The following BMPER variants were observed in gnomAD, a reference collection of about 807,000 sequenced individuals.
BMPER encodes BMP-binding endothelial regulator protein.
BMPER carries 45 observed loss-of-function variants against 87.3 expected under a neutral mutation model. That is an observed-to-expected ratio of 0.52 (90% CI 0.41 to 0.66). The LOEUF is 0.66. Ranked by LOEUF, BMPER falls within the 30% of genes least tolerant of loss-of-function variation. The pLI is 0.00. For missense variants in BMPER, 784 were observed against 867.5 expected (o/e 0.90, Z 1.21); for synonymous variants, 326 against 316.2 (o/e 1.03, Z -0.33).
intron 13 of BMPER, among the ~76,000 whole-genome samples, chr7:34,099,960 T>G (rs2098529126): frequency 6.6e-6 from 1 of 152,058 alleles, no homozygotes; most frequent in African/African-American, 2.4e-5. Flanking sequence ...CCCGGAAAAA[T>G]GCACTCCTAC....
intron 2 of BMPER, among the ~76,000 whole-genome samples, chr7:33,923,318 G>A (rs1352738618): frequency 6.6e-6 from 1 of 151,928 alleles, no homozygotes; most frequent in East Asian, 1.9e-4. Flanking sequence ...TGTCCCCTCC[G>A]CCACACACAC....
At chr7:34,074,895 G>A (rs552660188) in intron 11 of BMPER, among the ~76,000 whole-genome samples, 6 of 152,248 alleles carry the variant, frequency 3.9e-5, no homozygotes, top group African/African-American at 1.4e-4. Flanking sequence ...ATAAACAGTG[G>A]CTGTTTCTTA....
chr7:33,961,800 A>G (rs1785279215), intron 3 of BMPER, among the ~76,000 whole-genome samples: 1 of 152,300 alleles, frequency 6.6e-6, no homozygotes, highest in East Asian at 1.9e-4. Flanking sequence ...ACATGCATTC[A>G]GAAGCTTGTG....
intron 6 of BMPER, among the ~76,000 whole-genome samples, chr7:34,028,382 T>G (rs971620183): frequency 3.9e-5 from 6 of 151,928 alleles, no homozygotes; most frequent in Admixed American, 3.3e-4. Context: ...ACTTAAAAAT[T>G]TCTCAGTTTT....
chr7:34,136,226 C>T (rs1790715161), intron 13 of BMPER, among the ~76,000 whole-genome samples: 1 of 152,166 alleles, frequency 6.6e-6, no homozygotes, highest in South Asian at 2.1e-4. Flanking sequence ...ATAAAACAGC[C>T]TCACAGTTCC....
At chr7:34,100,881 A>G (rs1789663373) in intron 13 of BMPER, among the ~76,000 whole-genome samples, 1 of 152,170 alleles carries the variant, frequency 6.6e-6, no homozygotes. Context: ...AGACATGTCC[A>G]CACTCCCCAG....
intron 13 of BMPER, among the ~76,000 whole-genome samples, chr7:34,128,868 C>T (rs1016352892): frequency 4.6e-5 from 7 of 152,102 alleles, no homozygotes; most frequent in South Asian, 2.1e-4. Context: ...TGCAGATGTA[C>T]GACCATCTGG....
chr7:33,967,217 CT>C, intron 4 of BMPER, among the ~76,000 whole-genome samples: 1 of 152,236 alleles, frequency 6.6e-6, no homozygotes, highest in Middle Eastern at 3.4e-3. Context: ...CAAACAAAAA[CT>C]TTTTATAAAT....
chr7:33,914,674 T>G (rs1784047300), intron 2 of BMPER, among the ~76,000 whole-genome samples: 1 of 152,154 alleles, frequency 6.6e-6, no homozygotes, highest in Non-Finnish European at 1.5e-5. Context: ...GAATAAATTA[T>G]TTGCCTTGGG....
chr7:33,955,833 G>A (rs1379712069), intron 3 of BMPER, among the ~76,000 whole-genome samples: 2 of 152,154 alleles, frequency 1.3e-5, no homozygotes, highest in Non-Finnish European at 2.9e-5. Flanking sequence ...TACAGCTACA[G>A]TAATAAAGAC....
chr7:33,988,098 G>T (rs1440615643), intron 6 of BMPER, among the ~76,000 whole-genome samples: 1 of 152,046 alleles, frequency 6.6e-6, no homozygotes, highest in Non-Finnish European at 1.5e-5. Context: ...TATTCATACT[G>T]ATATATATCT....
intron 6 of BMPER, among the ~76,000 whole-genome samples, chr7:34,045,408 G>A (rs1231601085): frequency 6.6e-6 from 1 of 152,130 alleles, no homozygotes; most frequent in Non-Finnish European, 1.5e-5. Flanking sequence ...GGGATAGGAG[G>A]GGAAGTCGTC....
At position 34,153,182 on chromosome 7, in the gene BMPER, A is replaced by G. The variant is rs774730060; in HGVS notation, c.1967A>G (p.Asn656Ser). ...CDNWNEIGPC[N>S]KPCVAGCHCP... Reference sequence around the variant, plus strand: ...AACTGGAATGAAATTGGTCCATGCAACAAGCCGTGCGTTGCTGGGTGCCAC... The same window carrying G: ...AACTGGAATGAAATTGGTCCATGCAGCAAGCCGTGCGTTGCTGGGTGCCAC... Residue 656 changes from asparagine to serine, a missense_variant, in exon 15 of 15, where the codon AAC becomes AGC. Coordinates refer to ENST00000649409, the MANE Select transcript of BMPER (RefSeq NM_001365308.1). 2.5e-6 allele frequency: 4 copies of G among 1,613,898 alleles called. No homozygotes were observed. The Admixed American group carries it at 6.7e-5, about 27-fold the overall frequency.
At chr7:33,971,046 A>AT (rs1177963496) in intron 5 of BMPER, among the ~76,000 whole-genome samples, 8 of 150,828 alleles carry the variant, frequency 5.3e-5, no homozygotes, top group Admixed American at 6.6e-5. Context: ...GAGGTGAGAG[A>AT]TTTTTTTCTG....
intron 9 of BMPER, 86 bp downstream of exon 9, chr7:34,055,389 C>T: frequency 6.5e-7 from 1 of 1,544,590 alleles, no homozygotes; most frequent in South Asian, 1.1e-5. Context: ...ATTGGGTTAT[C>T]CCATAATTTC....
intron 6 of BMPER, among the ~76,000 whole-genome samples, chr7:34,026,519 G>C (rs1787359872): frequency 6.6e-6 from 1 of 151,962 alleles, no homozygotes; most frequent in Non-Finnish European, 1.5e-5. Context: ...TTAGTTCCTG[G>C]GTTACTTAAA....
At chr7:34,078,408 C>T (rs1407248608) in intron 11 of BMPER, among the ~76,000 whole-genome samples, 29 of 152,130 alleles carry the variant, frequency 1.9e-4, no homozygotes, top group Admixed American at 1.9e-3. Context: ...ATTCAGCACA[C>T]CATGTTTCTA....
chr7:33,905,720 T>C lies in BMPER; in HGVS notation c.107T>C (p.Met36Thr), dbSNP rs921065737. ...LLLLNCSGVPMSLASSFLTGS... is the reference protein window; with the variant it reads ...LLLLNCSGVPTSLASSFLTGS... ...CTACTCAATTGCTCGGGGGTCCCCA[T>C]GTCTCTGGCTTCCTCCTTCTTGACA... is the stretch of plus-strand genomic sequence containing the variant. Residue 36 changes from methionine (M) to threonine (T), a missense_variant, in exon 1 of 15, where the codon ATG becomes ACG. Met to Thr is a moderately conservative substitution (Grantham distance 81). Transcript: ENST00000649409. 13 of 1,597,682 alleles carry C rather than the reference T, an allele frequency of 8.1e-6. No individual in the cohort carries two copies. The highest frequency in any genetic ancestry group is 2.2e-5 in the South Asian group (2 of 90,830).
chr7:34,085,722 T>C (rs1448609345), intron 12 of BMPER, 34 bp from the exon 13 acceptor site: 5 of 1,558,646 alleles, frequency 3.2e-6, no homozygotes, highest in Admixed American at 1.7e-5. Context: ...CGTTAATGAG[T>C]GATTGATTTC....
Sources: allele counts gnomAD v4.1 joint callset (sites outside exome capture counted in the v4.1 genomes callset), GRCh38; gene constraint gnomAD v4.1.1; transcripts MANE v1.5; gene names NCBI Gene and HGNC (gene_info 2026-07-23, HGNC 2026-07-21).